Variants in FIRRM observed in about 807,000 individuals in gnomAD.
FIRRM encodes FIGNL1-interacting regulator of recombination and mitosis.
chr1:169,821,652 G>T, the FIRRM span: 1 of 1,463,810 alleles, frequency 6.8e-7, no homozygotes, highest in South Asian at 1.3e-5. Flanking sequence ...TATTTATTAT[G>T]CTTTCTTATT....
At chr1:169,853,336 T>TACTC in the FIRRM span, 1 of 324,486 alleles carries the variant, frequency 3.1e-6, no homozygotes, top group African/African-American at 2.2e-5. Flanking sequence ...TAATAGAGCT[T>TACTC]ACTCTTATGT....
At chr1:169,847,418 A>G in the FIRRM span, among the ~76,000 whole-genome samples, 1 of 151,902 alleles carries the variant, frequency 6.6e-6, no homozygotes, top group African/African-American at 2.4e-5. Flanking sequence ...GGTTTGGTAT[A>G]TAAAGTTTTT....
chr1:169,837,131 T>C, the FIRRM span: 3 of 1,561,466 alleles, frequency 1.9e-6, no homozygotes, highest in African/African-American at 2.8e-5. Flanking sequence ...ATAATTTTGA[T>C]TTATTTTATT....
the FIRRM span, among the ~76,000 whole-genome samples, chr1:169,813,107 A>G: frequency 1.3e-5 from 2 of 152,226 alleles, no homozygotes; most frequent in Non-Finnish European, 2.9e-5. Context: ...TAAAGACAGT[A>G]ATTTATTTGA....
the FIRRM span, chr1:169,827,616 T>C: frequency 1.5e-6 from 2 of 1,365,252 alleles, no homozygotes; most frequent in Admixed American, 1.7e-5. Context: ...CCAGGCTGGG[T>C]GACAGAGTGA....
the FIRRM span, chr1:169,793,481 G>C: frequency 6.2e-7 from 1 of 1,614,146 alleles, no homozygotes; most frequent in Non-Finnish European, 8.5e-7. Flanking sequence ...TGTGTCTTGA[G>C]AGGGAGCTGC....
At chr1:169,837,121 A>G in the FIRRM span, 104 of 1,570,208 alleles carry the variant, frequency 6.6e-5, no homozygotes, top group Non-Finnish European at 8.2e-5. Flanking sequence ...TGGTAAGATA[A>G]TAATTTTGAT....
chr1:169,786,944 A>G, the FIRRM span, among the ~76,000 whole-genome samples: 1 of 152,146 alleles, frequency 6.6e-6, no homozygotes, highest in Non-Finnish European at 1.5e-5. Flanking sequence ...GTAGAACTTT[A>G]CTGGTGGAGA....
chr1:169,806,796 C>T, the FIRRM span, among the ~76,000 whole-genome samples: 1 of 152,140 alleles, frequency 6.6e-6, no homozygotes, highest in Non-Finnish European at 1.5e-5. Flanking sequence ...CTTCTGAGCC[C>T]TTGGGCTATT....
the FIRRM span, among the ~76,000 whole-genome samples, chr1:169,787,480 T>A: frequency 6.6e-6 from 1 of 152,184 alleles, no homozygotes; most frequent in Non-Finnish European, 1.5e-5. Context: ...TAGATTAGAA[T>A]CCTCCTTACC....
the FIRRM span, among the ~76,000 whole-genome samples, chr1:169,847,956 T>C: frequency 6.6e-6 from 1 of 152,194 alleles, no homozygotes; most frequent in Admixed American, 6.5e-5. Flanking sequence ...AAAATCTATT[T>C]ATAACTTATA....
chr1:169,786,480 G>T, the FIRRM span, among the ~76,000 whole-genome samples: 3 of 152,216 alleles, frequency 2.0e-5, no homozygotes, highest in Non-Finnish European at 4.4e-5. Context: ...AGCTGGCATA[G>T]AGAGTGGCAC....
At chr1:169,799,068 G>A in the FIRRM span, 1 of 415,108 alleles carries the variant, frequency 2.4e-6, no homozygotes, top group East Asian at 3.7e-5. Context: ...AAATGTAACT[G>A]TTCTCTATGT....
chr1:169,833,653 A>G, the FIRRM span, among the ~76,000 whole-genome samples: 5 of 152,074 alleles, frequency 3.3e-5, no homozygotes, highest in African/African-American at 1.2e-4. Flanking sequence ...TTCCTGCCCT[A>G]GAGTGGTTGG....
chr1:169,846,684 A>G, the FIRRM span, among the ~76,000 whole-genome samples: 2 of 152,156 alleles, frequency 1.3e-5, no homozygotes, highest in Admixed American at 1.3e-4. Flanking sequence ...CAGCTTTCAC[A>G]GAATTGGAGA....
the FIRRM span, chr1:169,821,840 A>G: frequency 7.5e-6 from 7 of 932,762 alleles, no homozygotes; most frequent in Non-Finnish European, 9.7e-6. Flanking sequence ...ACAGAATAGA[A>G]ATTTCAAGCT....
the FIRRM span, among the ~76,000 whole-genome samples, chr1:169,797,230 A>G: frequency 1.3e-5 from 2 of 152,222 alleles, no homozygotes; most frequent in Admixed American, 6.5e-5. Flanking sequence ...GCTTAATGGT[A>G]GTATTTTAGC....
At chr1:169,821,811 G>A in the FIRRM span, 10 of 1,226,464 alleles carry the variant, frequency 8.2e-6, no homozygotes, top group South Asian at 5.1e-5. Flanking sequence ...CTCAGAAAAC[G>A]AATTATTATC....
the FIRRM span, chr1:169,852,157 A>G: frequency 1.6e-6 from 1 of 606,706 alleles, no homozygotes; most frequent in African/African-American, 1.9e-5. Flanking sequence ...AATTATTGGT[A>G]GTAACCTTTA....
Sources: gnomAD v4.1 joint callset for allele counts (sites outside exome capture counted in the v4.1 genomes callset) on GRCh38, gnomAD v4.1.1 for gene constraint, MANE v1.5 for transcripts, NCBI Gene and HGNC (gene_info 2026-07-23, HGNC 2026-07-21) for gene names.